The following TMEM116 variants were observed in gnomAD, a reference collection of about 807,000 sequenced individuals.
TMEM116 encodes the protein transmembrane protein 116.
A neutral mutation model predicts 44.3 loss-of-function variants in TMEM116; 38 were observed. The observed-to-expected ratio is 0.86, with a 90% confidence interval of 0.66 to 1.12. The LOEUF (loss-of-function observed/expected upper bound fraction) is 1.12. Ranked by LOEUF, TMEM116 falls within the 50% of genes most tolerant of loss-of-function variation. TMEM116 has a pLI of 0.00. For synonymous variants in TMEM116, 132 were observed against 144.8 expected, an observed-to-expected ratio of 0.91 and a Z score of 0.64; for missense variants, 354 against 401.7, an observed-to-expected ratio of 0.88 and a Z score of 1.01.
intron 3 of TMEM116, chr12:111,993,399 T>G (rs1195176736): frequency 3.7e-6 from 2 of 547,772 alleles, no homozygotes; most frequent in Non-Finnish European, 7.4e-6. Context: ...GTTCTGCAAG[T>G]TTGGCTTTTA....
At chr12:111,975,635 G>A (rs529086672) in intron 4 of TMEM116, among the ~76,000 whole-genome samples, 2 of 152,282 alleles carry the variant, frequency 1.3e-5, no homozygotes, top group South Asian at 2.1e-4. Context: ...TGAGCAAAGA[G>A]CTTAGAAGTC....
chr12:111,946,197 T>C (rs1593321170), intron 4 of TMEM116, among the ~76,000 whole-genome samples: 1 of 152,194 alleles, frequency 6.6e-6, no homozygotes, highest in Admixed American at 6.6e-5. Context: ...CTAAAATCCA[T>C]ACATTCCCCT....
At chr12:111,977,799 C>G (rs888963921) in intron 4 of TMEM116, among the ~76,000 whole-genome samples, 15 of 152,054 alleles carry the variant, frequency 9.9e-5, no homozygotes, top group Admixed American at 6.6e-4. Context: ...TTACAAGGTA[C>G]CTGCACTACC....
At chr12:111,963,957 T>A (rs1418618763) in intron 4 of TMEM116, among the ~76,000 whole-genome samples, 1 of 152,146 alleles carries the variant, frequency 6.6e-6, no homozygotes, top group South Asian at 2.1e-4. Context: ...ATTTCTTTTA[T>A]GAAAGTAGAT....
At chr12:111,987,408 G>A (rs1355016885) in intron 4 of TMEM116, among the ~76,000 whole-genome samples, 2 of 151,824 alleles carry the variant, frequency 1.3e-5, no homozygotes, top group African/African-American at 2.4e-5. Flanking sequence ...AGGAGTCTGA[G>A]GCAGGAGAAT....
At chr12:111,947,734 ACT>A (rs2073398576) in intron 4 of TMEM116, among the ~76,000 whole-genome samples, 1 of 152,172 alleles carries the variant, frequency 6.6e-6, no homozygotes, top group African/African-American at 2.4e-5. Flanking sequence ...CATGAAAAAG[ACT>A]CTAACAAGTA....
intron 3 of TMEM116, chr12:112,000,870 A>T (rs1484933227): frequency 8.9e-6 from 4 of 448,186 alleles, no homozygotes; most frequent in Admixed American, 7.5e-5. Context: ...GAATCCACCA[A>T]TTCTCTGGTC....
chr12:111,972,214 TATAAGTAACAGAAA>T (rs1373667941), intron 4 of TMEM116, among the ~76,000 whole-genome samples: 1 of 151,906 alleles, frequency 6.6e-6, no homozygotes, highest in Non-Finnish European at 1.5e-5. Context: ...GAAATGGCTA[TATAAGTAACAGAAA>T]ATGTAGACTT....
intron 4 of TMEM116, among the ~76,000 whole-genome samples, chr12:111,987,436 T>C (rs149047971): frequency 0.017 from 2,419 of 141,596 alleles, 58 homozygotes; most frequent in African/African-American, 0.061. Context: ...ACCCGGGAGG[T>C]GGAGGTTGCA....
chr12:111,952,667 G>T (rs2073816610), intron 4 of TMEM116, among the ~76,000 whole-genome samples: 1 of 152,156 alleles, frequency 6.6e-6, no homozygotes, highest in Admixed American at 6.5e-5. Context: ...ACAGGCAGAA[G>T]AACCTGAAAA....
chr12:111,987,943 G>A lies in TMEM116; in HGVS notation c.210+3815C>T, dbSNP rs889183973. Among the ~76,000 whole-genome samples the A allele has an allele frequency of 3.3e-5, 5 of 152,084 alleles. No homozygotes were observed. In the East Asian group the frequency reaches 7.7e-4, roughly 23 times the overall value. On this transcript the variant is annotated intron_variant, in intron 4 of 10. Transcript: ENST00000552374. ...CCCAAGTGGCCATTGACAGACAAAT[G>A]GATAAACCAAATGTGGTCTATCCAT...
intron 4 of TMEM116, among the ~76,000 whole-genome samples, chr12:111,978,279 T>G (rs1309761527): frequency 6.6e-6 from 1 of 151,708 alleles, no homozygotes; most frequent in Non-Finnish European, 1.5e-5. Flanking sequence ...TGCATGCCTG[T>G]AATCCCAGCT....
chr12:111,956,128 G>C (rs1335928785), intron 4 of TMEM116, among the ~76,000 whole-genome samples: 2 of 152,168 alleles, frequency 1.3e-5, no homozygotes, highest in Admixed American at 6.5e-5. Flanking sequence ...CAGTGAAGTG[G>C]CATAAGCGTG....
intron 10 of TMEM116, among the ~76,000 whole-genome samples, chr12:111,932,041 G>A (rs2071689532): frequency 6.6e-6 from 1 of 151,984 alleles, no homozygotes; most frequent in South Asian, 2.1e-4. Context: ...ATACTTCTTA[G>A]TATATACATA....
intron 4 of TMEM116, among the ~76,000 whole-genome samples, chr12:111,970,471 C>T (rs2075268165): frequency 6.6e-6 from 1 of 151,886 alleles, no homozygotes; most frequent in South Asian, 2.1e-4. Flanking sequence ...GAAATAGTGG[C>T]CCCAAGCTTT....
At chr12:111,993,173 G>T (rs1161738499) in intron 3 of TMEM116, 15 of 300,458 alleles carry the variant, frequency 5.0e-5, no homozygotes, top group Non-Finnish European at 1.0e-4. Context: ...TTGACTCCAC[G>T]AAGTATTATG....
At chr12:111,993,659 T>A in intron 3 of TMEM116, 2 of 591,346 alleles carry the variant, frequency 3.4e-6, no homozygotes, top group Non-Finnish European at 6.6e-6. Context: ...ATGAGACAGA[T>A]AGCATATGCC....
chr12:111,986,382 TG>T (rs1399468589), intron 4 of TMEM116, among the ~76,000 whole-genome samples: 1 of 151,658 alleles, frequency 6.6e-6, no homozygotes, highest in Non-Finnish European at 1.5e-5. Context: ...AATAAAAAGT[TG>T]GAAGACTCAC....
At chr12:111,976,467 C>T (rs935728858) in intron 4 of TMEM116, among the ~76,000 whole-genome samples, 1 of 152,166 alleles carries the variant, frequency 6.6e-6, no homozygotes, top group Admixed American at 6.5e-5. Flanking sequence ...GCAACAAGAG[C>T]AAAATTGTCT....
Sources: allele counts gnomAD v4.1 joint callset (sites outside exome capture counted in the v4.1 genomes callset), GRCh38; gene constraint gnomAD v4.1.1; transcripts MANE v1.5; gene names NCBI Gene and HGNC (gene_info 2026-07-23, HGNC 2026-07-21).